Variants in ABL1 observed in about 807,000 individuals in gnomAD.
The protein encoded by ABL1 is tyrosine-protein kinase ABL1.
In ABL1, 11 loss-of-function variants were observed where a neutral mutation model predicts 94.7. The ratio of observed to expected loss-of-function variants is 0.12; its 90% CI spans 0.07 to 0.19. The LOEUF (loss-of-function observed/expected upper bound fraction) is 0.19. Among genes scored for constraint, ABL1 ranks in the 10% least tolerant of loss-of-function variants. The probability of loss-of-function intolerance (pLI) is 1.00; values close to 1 mark genes in which losing one functional copy is unlikely to be tolerated. For synonymous variants in ABL1, 656 were observed against 622.4 expected, an observed-to-expected ratio of 1.05 and a Z score of -0.80; for missense variants, 1,082 against 1,489.4, an observed-to-expected ratio of 0.73 and a Z score of 4.50.
At chr9:130,721,186 C>T (rs528455219) in intron 1 of ABL1, among the ~76,000 whole-genome samples, 1 of 152,014 alleles carries the variant, frequency 6.6e-6, no homozygotes, top group South Asian at 2.1e-4. Context: ...CGAGACCACC[C>T]TGGCCAACAT....
chr9:130,714,332 C>T, exon 1 of ABL1: 1 of 1,609,442 alleles, frequency 6.2e-7, no homozygotes, highest in African/African-American at 1.3e-5. Context: ...GGGGCAGCAG[C>T]CTGGAAAAGT....
At position 130,814,111 on chromosome 9, in the gene ABL1, C is replaced by T. The variant is rs1830249412; in HGVS notation, c.137-39953C>T. On this transcript the variant is annotated intron_variant, in intron 1 of 10. Coordinates refer to the ABL1 transcript ENST00000372348. This position sits in a 1 kb window ranked among gnomAD's most constrained non-coding sequence, Gnocchi z 4.4. ...ATCATCCCGGCCAACATGGTGAAACCCCGTCTCTACTAACCATACAAAAAT... is the reference window on the plus strand; with the variant it reads ...ATCATCCCGGCCAACATGGTGAAACTCCGTCTCTACTAACCATACAAAAAT... Among the ~76,000 whole-genome samples, 1 of 151,944 alleles carries T rather than the reference C, an allele frequency of 6.6e-6. No individual in the cohort carries two copies. The highest frequency in any genetic ancestry group is 1.5e-5 in the Non-Finnish European group (1 of 67,982).
At chr9:130,713,112 G>C (rs953825003) in exon 1 of ABL1, among the ~76,000 whole-genome samples, 1 of 152,226 alleles carries the variant, frequency 6.6e-6, no homozygotes, top group Admixed American at 6.5e-5. Flanking sequence ...CCGGTTCCCG[G>C]GTCCTGCGGC....
intron 1 of ABL1, among the ~76,000 whole-genome samples, chr9:130,840,212 C>A (rs141230349): frequency 3.9e-5 from 6 of 152,164 alleles, no homozygotes; most frequent in Admixed American, 1.3e-4. Flanking sequence ...GCTAATAAAG[C>A]AGTTTGTTTC....
Position 130,872,563 on chromosome 9 carries a change from G to T in ABL1, c.908-297G>T, listed in dbSNP as rs1325541676. 1.3e-5 allele frequency among the ~76,000 whole-genome samples: 2 copies of T among 152,204 alleles called. No homozygotes were observed. Among genetic ancestry groups the T allele is most frequent in the African/African-American group, 4.8e-5 (2 of 41,454 alleles). On this transcript the variant is annotated intron_variant, in intron 5 of 10. Coordinates refer to ENST00000318560, the MANE Select transcript of ABL1 (RefSeq NM_005157.6). The surrounding 1 kb of genome is among the most constrained non-coding windows in gnomAD (Gnocchi z 5.0). ...ATAACCATCAGACCTAACCATTCAG[G>T]GGTAAACTGACGGTGGTGAAGGTCA...
At chr9:130,777,594 T>G (rs112565280) in intron 1 of ABL1, among the ~76,000 whole-genome samples, 76 of 102,006 alleles carry the variant, frequency 7.5e-4, no homozygotes, top group African/African-American at 1.8e-3. Flanking sequence ...TCGAGGAACC[T>G]CTCAGGGCTT....
At chr9:130,829,564 CAA>C (rs1167581144) in intron 1 of ABL1, among the ~76,000 whole-genome samples, 2,807 of 68,638 alleles carry the variant, frequency 0.041, 13 homozygotes, top group African/African-American at 0.054. Flanking sequence ...GACTACGTCT[CAA>C]AAAAAAAAAA....
At chr9:130,838,654 G>A (rs554921318) in intron 1 of ABL1, among the ~76,000 whole-genome samples, 7 of 152,234 alleles carry the variant, frequency 4.6e-5, no homozygotes, top group South Asian at 2.1e-4. Flanking sequence ...CACCAGGACC[G>A]CATTTAGCTT....
At chr9:130,738,690 T>C (rs2583844) in intron 1 of ABL1, among the ~76,000 whole-genome samples, 29,304 of 152,200 alleles carry the variant, frequency 0.19, 3,478 homozygotes, top group Middle Eastern at 0.39. Flanking sequence ...ATTACCTTGC[T>C]GATTGATGGA....
chr9:130,855,172 T>C, intron 3 of ABL1, 76 bp downstream of exon 3: 1 of 1,474,954 alleles, frequency 6.8e-7, no homozygotes. Context: ...GATTGATAAA[T>C]TATTGCAAGA....
At chr9:130,812,964 A>T (rs1489586895) in intron 1 of ABL1, among the ~76,000 whole-genome samples, 1 of 152,252 alleles carries the variant, frequency 6.6e-6, no homozygotes, top group African/African-American at 2.4e-5. Flanking sequence ...CTGTAATCCC[A>T]GCACTTTGGG....
At chr9:130,716,905 C>A (rs1368492881) in intron 1 of ABL1, among the ~76,000 whole-genome samples, 1 of 152,026 alleles carries the variant, frequency 6.6e-6, no homozygotes, top group African/African-American at 2.4e-5. Flanking sequence ...TGTGCACCAC[C>A]ATGCCTGGCT....
chr9:130,852,390 A>G (rs1830882752), intron 1 of ABL1, among the ~76,000 whole-genome samples: 2 of 151,902 alleles, frequency 1.3e-5, no homozygotes, highest in Non-Finnish European at 2.9e-5. Context: ...TTTAGTAGTG[A>G]CGGGGTTTCA....
chr9:130,781,815 G>A (rs1281997208), intron 1 of ABL1, among the ~76,000 whole-genome samples: 1 of 151,880 alleles, frequency 6.6e-6, no homozygotes, highest in Non-Finnish European at 1.5e-5. Context: ...TTCCTAAACA[G>A]TGAGGCTTCT....
At chr9:130,813,702 G>A (rs961832242) in intron 1 of ABL1, among the ~76,000 whole-genome samples, 21 of 151,454 alleles carry the variant, frequency 1.4e-4, no homozygotes, top group Admixed American at 2.6e-4. Flanking sequence ...ATGGGTCAAA[G>A]AAAATCAACA....
Position 130,728,248 on chromosome 9 carries a change from T to TTTTTTTTTTTTTG in ABL1, c.136+13793_136+13794insTTTTTTTTTTTTG, listed in dbSNP as rs1554757228. Among the ~76,000 whole-genome samples the TTTTTTTTTTTTTG allele has an allele frequency of 1.5e-3, 227 of 148,690 alleles. 4 individuals carry two copies. The highest frequency in any genetic ancestry group is 5.4e-3 in the African/African-American group (214 of 39,638). ...CCAGCTGATTTTTTTTTTTTTTTTT[T>TTTTTTTTTTTTTG]GTGGAGACGGGGTTTCATCATGTTA... On this transcript the variant is annotated intron_variant, in intron 1 of 10. Transcript: ENST00000372348.
chr9:130,735,934 C>CATATATAT (rs71389344), intron 1 of ABL1, among the ~76,000 whole-genome samples: 40 of 80,202 alleles, frequency 5.0e-4, no homozygotes, highest in African/African-American at 9.9e-4. Flanking sequence ...CATGTGTGTG[C>CATATATAT]ATATATATAT....
At chr9:130,855,440 C>G (rs147481456) in intron 3 of ABL1, among the ~76,000 whole-genome samples, 1 of 152,252 alleles carries the variant, frequency 6.6e-6, no homozygotes, top group East Asian at 1.9e-4. Context: ...AAATCATCCC[C>G]AACGAGAAAA....
chr9:130,824,697 T>C (rs180671899), intron 1 of ABL1, among the ~76,000 whole-genome samples: 1 of 152,330 alleles, frequency 6.6e-6, no homozygotes, highest in East Asian at 1.9e-4. Flanking sequence ...AGCAAAACTC[T>C]GCTTTGCTGT....
Sources: gnomAD v4.1 joint callset for allele counts (sites outside exome capture counted in the v4.1 genomes callset) on GRCh38, gnomAD v4.1.1 for gene constraint, Gnocchi (gnomAD v3.1) non-coding constraint, MANE v1.5 for transcripts, NCBI Gene and HGNC (gene_info 2026-07-23, HGNC 2026-07-21) for gene names.